TICRR: variants seen among roughly 807,000 people sequenced by gnomAD.
TICRR encodes treslin.
TICRR carries 132 observed loss-of-function variants against 178.1 expected under a neutral mutation model. That is an observed-to-expected ratio of 0.74 (90% CI 0.64 to 0.86). The LOEUF is 0.86. TICRR is among the 40% of genes least tolerant of loss of function. TICRR has a pLI of 0.00. For synonymous variants in TICRR, 991 were observed against 900.7 expected, an observed-to-expected ratio of 1.10 and a Z score of -1.79; for missense variants, 2,587 against 2,334.3, an observed-to-expected ratio of 1.11 and a Z score of -2.23.
At chr15:89,578,398 A>T (rs574837000) in intron 1 of TICRR, among the ~76,000 whole-genome samples, 1 of 152,338 alleles carries the variant, frequency 6.6e-6, no homozygotes, top group East Asian at 1.9e-4. Flanking sequence ...CAAGAAAAGG[A>T]AGGGACAAAA....
intron 5 of TICRR, among the ~76,000 whole-genome samples, chr15:89,592,860 TAA>T (rs1157917075): frequency 6.6e-6 from 1 of 152,248 alleles, no homozygotes; most frequent in Non-Finnish European, 1.5e-5. Flanking sequence ...CACCATTTGC[TAA>T]AAGACTATCT....
At chr15:89,604,592 T>C (rs969654472) in intron 13 of TICRR, among the ~76,000 whole-genome samples, 1 of 152,064 alleles carries the variant, frequency 6.6e-6, no homozygotes, top group Non-Finnish European at 1.5e-5. Flanking sequence ...CTAAGCAACA[T>C]AGTGAGACCT....
intron 21 of TICRR, 81 bp from the exon 22 acceptor site, chr15:89,626,874 TA>T: frequency 6.8e-7 from 1 of 1,480,308 alleles, no homozygotes; most frequent in Non-Finnish European, 9.3e-7. Context: ...TTTTTGTGTG[TA>T]ACCCTCTGCA....
At chr15:89,617,689 CTTTTTTTTTTTTT>C (rs35732953) in intron 16 of TICRR, among the ~76,000 whole-genome samples, 1 of 98,772 alleles carries the variant, frequency 1.0e-5, no homozygotes, top group African/African-American at 3.8e-5. Flanking sequence ...ACCCAGCTAT[CTTTTTTTTTTTTT>C]TTTTTTTTGA....
chr15:89,580,612 T>C (rs1357669182), intron 1 of TICRR, among the ~76,000 whole-genome samples: 1 of 152,280 alleles, frequency 6.6e-6, no homozygotes, highest in Non-Finnish European at 1.5e-5. Context: ...GAAGATAATG[T>C]GCTCCAATAC....
At chr15:89,622,524 C>G (rs1023272678) in intron 19 of TICRR, among the ~76,000 whole-genome samples, 4 of 152,182 alleles carry the variant, frequency 2.6e-5, no homozygotes, top group African/African-American at 7.2e-5. Flanking sequence ...AAGTGGAACT[C>G]TTGGGTTCAA....
chr15:89,576,324 A>G (rs1480116338), intron 1 of TICRR, 84 bp downstream of exon 1: 9 of 1,290,346 alleles, frequency 7.0e-6, no homozygotes, highest in Non-Finnish European at 9.3e-6. Context: ...TAGAACAGCC[A>G]CAGACCCCGA....
At position 89,611,049 on chromosome 15, in the gene TICRR, G is replaced by A. The variant is rs1478238420; in HGVS notation, c.2869+2100G>A. ...TTAATACAGACTTAAATTATATAGGGTTTAAAAAAAAAACAAAATTACCAT... is the reference window on the plus strand; with the variant it reads ...TTAATACAGACTTAAATTATATAGGATTTAAAAAAAAAACAAAATTACCAT... On this transcript the variant is annotated intron_variant, in intron 15 of 21. Transcript: ENST00000268138. Among the ~76,000 whole-genome samples the A allele has an allele frequency of 2.0e-5, 3 of 149,280 alleles. No individual in the cohort carries two copies. In the East Asian group the frequency reaches 5.9e-4, roughly 29 times the overall value.
chr15:89,589,028 C>T (rs1023771415), intron 4 of TICRR, among the ~76,000 whole-genome samples: 2 of 152,010 alleles, frequency 1.3e-5, no homozygotes, highest in African/African-American at 4.8e-5. Context: ...GCAGGGGAAG[C>T]AGTGTGTTCA....
In TICRR at chr15:89,585,816, T is replaced by C; in HGVS notation, c.1285T>C (p.Phe429Leu). Residue 429 changes from phenylalanine (F) to leucine (L), a missense_variant, in exon 4 of 22, where the codon TTT (phenylalanine) becomes CTT (leucine). Physicochemically the swap from Phe to Leu is conservative, Grantham distance 22. Transcript: ENST00000268138. ...TGTGTGCCGCACCAAGGAGGCTGAATTTCAACGACATGTTCTCCAAACAGC... is the reference window on the plus strand; with the variant it reads ...TGTGTGCCGCACCAAGGAGGCTGAACTTCAACGACATGTTCTCCAAACAGC... ...LTVCRTKEAEFQRHVLQTAVA... is the reference protein window; with the variant it reads ...LTVCRTKEAELQRHVLQTAVA... 1 of 1,614,144 alleles carries C rather than the reference T, an allele frequency of 6.2e-7. No individual in the cohort carries two copies.
At chr15:89,622,562 G>C (rs1021992240) in intron 19 of TICRR, among the ~76,000 whole-genome samples, 5 of 152,192 alleles carry the variant, frequency 3.3e-5, no homozygotes, top group African/African-American at 1.2e-4. Flanking sequence ...TGGAAACTCA[G>C]TAAATTGCTT....
At chr15:89,592,883 A>G (rs1038365970) in intron 5 of TICRR, among the ~76,000 whole-genome samples, 1 of 152,200 alleles carries the variant, frequency 6.6e-6, no homozygotes, top group African/African-American at 2.4e-5. Flanking sequence ...TTTCCCACTA[A>G]TAACTGTGGT....
chr15:89,619,474 C>T (rs891656234), intron 17 of TICRR, among the ~76,000 whole-genome samples: 1 of 152,104 alleles, frequency 6.6e-6, no homozygotes, highest in Non-Finnish European at 1.5e-5. Flanking sequence ...GTAAATAAGA[C>T]TTCTGAAGGT....
At chr15:89,598,326 C>G (rs1376348079) in intron 7 of TICRR, among the ~76,000 whole-genome samples, 1 of 151,302 alleles carries the variant, frequency 6.6e-6, no homozygotes, top group Non-Finnish European at 1.5e-5. Context: ...CATGTCATAT[C>G]ACCAAAGACA....
At chr15:89,620,923 T>C (rs191563561) in intron 18 of TICRR, among the ~76,000 whole-genome samples, 7 of 150,934 alleles carry the variant, frequency 4.6e-5, no homozygotes, top group Non-Finnish European at 8.9e-5. Flanking sequence ...CAGGTTTCAC[T>C]GTGTTAGCCA....
chr15:89,603,389 CAA>C (rs1963126813), intron 13 of TICRR, among the ~76,000 whole-genome samples: 1 of 152,082 alleles, frequency 6.6e-6, no homozygotes, highest in Non-Finnish European at 1.5e-5. Context: ...CCAGCCTGGA[CAA>C]CATAGCGAGA....
At chr15:89,622,893 C>A (rs767811475) in intron 19 of TICRR, among the ~76,000 whole-genome samples, 15 of 152,216 alleles carry the variant, frequency 9.9e-5, no homozygotes, top group Non-Finnish European at 2.2e-4. Flanking sequence ...GGCAGCCCTT[C>A]TTTGTGTTCT....
At chr15:89,614,988 C>G (rs1485723646) in intron 15 of TICRR, among the ~76,000 whole-genome samples, 1 of 152,218 alleles carries the variant, frequency 6.6e-6, no homozygotes, top group Non-Finnish European at 1.5e-5. Context: ...CTTCTCAAGT[C>G]TATCCTCGGC....
At chr15:89,615,906 A>G (rs1321447762) in intron 15 of TICRR, among the ~76,000 whole-genome samples, 1 of 149,512 alleles carries the variant, frequency 6.7e-6, no homozygotes, top group Non-Finnish European at 1.5e-5. Context: ...TTTTTTTGAG[A>G]TGGAGTCTCC....
Sources: allele counts gnomAD v4.1 joint callset (sites outside exome capture counted in the v4.1 genomes callset), GRCh38; gene constraint gnomAD v4.1.1; transcripts MANE v1.5; gene names NCBI Gene and HGNC (gene_info 2026-07-23, HGNC 2026-07-21).